The following ST3GAL3 variants were observed in gnomAD, a reference collection of about 807,000 sequenced individuals.
The protein encoded by ST3GAL3 is CMP-N-acetylneuraminate-beta-1,4-galactoside alpha-2,3-sialyltransferase.
In ST3GAL3, 21 loss-of-function variants were observed where a neutral mutation model predicts 50.1. The ratio of observed to expected loss-of-function variants is 0.42; its 90% CI spans 0.30 to 0.60. ST3GAL3 has a LOEUF of 0.60. ST3GAL3 is among the 20% of genes least tolerant of loss of function. The pLI is 0.19. For missense variants in ST3GAL3, 353 were observed against 489.4 expected (o/e 0.72, Z 2.63); for synonymous variants, 183 against 190.0 (o/e 0.96, Z 0.30).
At chr1:43,719,979 C>T (rs1321249402) in intron 1 of ST3GAL3, among the ~76,000 whole-genome samples, 1 of 141,744 alleles carries the variant, frequency 7.1e-6, no homozygotes, top group Non-Finnish European at 1.5e-5. Flanking sequence ...AGCAGTGGCT[C>T]ACACCTATAA....
chr1:43,824,938 A>G (rs770185752), intron 4 of ST3GAL3: 1 of 718,968 alleles, frequency 1.4e-6, no homozygotes, highest in South Asian at 1.5e-5. Context: ...CTTTAATAAA[A>G]GATTCTGTTT....
chr1:43,893,518 T>A (rs1037057760), intron 5 of ST3GAL3, among the ~76,000 whole-genome samples: 1 of 150,114 alleles, frequency 6.7e-6, no homozygotes, highest in South Asian at 2.2e-4. Flanking sequence ...TGCTGCACCT[T>A]CTCCCTCTTC....
intron 1 of ST3GAL3, among the ~76,000 whole-genome samples, chr1:43,719,882 G>A (rs1180964649): frequency 2.2e-5 from 3 of 134,388 alleles, no homozygotes; most frequent in Admixed American, 8.2e-5. Flanking sequence ...TCAGTGAGCC[G>A]AGATCATGCC....
intron 2 of ST3GAL3, among the ~76,000 whole-genome samples, chr1:43,761,726 G>A (rs905809385): frequency 1.3e-4 from 20 of 151,558 alleles, no homozygotes; most frequent in African/African-American, 4.6e-4. Context: ...CAAGGTGGGC[G>A]GATCACGAGG....
chr1:43,930,026 C>A, intron 11 of ST3GAL3, 106 bp from the exon 12 acceptor site: 2 of 924,142 alleles, frequency 2.2e-6, no homozygotes, highest in Non-Finnish European at 3.6e-6. Flanking sequence ...CAGGTTTCCA[C>A]AGTCACGGAG....
At position 43,847,151 on chromosome 1, in the gene ST3GAL3, A is replaced by G. The variant is rs548164152; in HGVS notation, c.302+8840A>G. ...GCTATTATCCCAAAACCAGAAAATA[A>G]CAAGTGCTGGCAAGCATGTAGAGAA... is the stretch of plus-strand genomic sequence containing the variant. On this transcript the variant is annotated intron_variant, in intron 5 of 11. Transcript: ENST00000347631. 2.2e-4 allele frequency among the ~76,000 whole-genome samples: 33 copies of G among 152,344 alleles called. No homozygotes were observed. The South Asian group carries it at 6.2e-3, about 29-fold the overall frequency.
chr1:43,905,051 A>C (rs111162316), intron 9 of ST3GAL3, among the ~76,000 whole-genome samples: 12 of 24,314 alleles, frequency 4.9e-4, no homozygotes, highest in Admixed American at 6.1e-4. Flanking sequence ...TCCTCTTCCC[A>C]CCACTCTTCC....
At chr1:43,722,631 G>T (rs1319100831) in intron 1 of ST3GAL3, among the ~76,000 whole-genome samples, 7 of 152,174 alleles carry the variant, frequency 4.6e-5, no homozygotes, top group Non-Finnish European at 4.4e-5. Context: ...AGGGAGGGAT[G>T]TGTGGCTTCA....
intron 5 of ST3GAL3, among the ~76,000 whole-genome samples, chr1:43,891,561 C>T (rs781675469): frequency 8.5e-5 from 13 of 152,098 alleles, no homozygotes; most frequent in Non-Finnish European, 1.8e-4. Context: ...AAGAGCAAAA[C>T]TACATTTCAA....
At chr1:43,825,132 A>G (rs1412975462) in intron 4 of ST3GAL3, among the ~76,000 whole-genome samples, 1 of 152,218 alleles carries the variant, frequency 6.6e-6, no homozygotes, top group Non-Finnish European at 1.5e-5. Flanking sequence ...AGATTATTCT[A>G]ATATGTCAGG....
intron 5 of ST3GAL3, chr1:43,842,361 A>G (rs1388082401): frequency 6.7e-6 from 1 of 149,246 alleles, no homozygotes; most frequent in African/African-American, 2.5e-5. Flanking sequence ...GCATTGCTAC[A>G]AAAAAAAAAT....
chr1:43,885,369 C>G (rs1194395532), intron 5 of ST3GAL3, among the ~76,000 whole-genome samples: 1 of 152,206 alleles, frequency 6.6e-6, no homozygotes, highest in Non-Finnish European at 1.5e-5. Context: ...TCCGTCTCCT[C>G]CTTCCCCGGG....
At position 43,776,636 on chromosome 1, in the gene ST3GAL3, T is replaced by C. The variant is rs77698723; in HGVS notation, c.119-15466T>C. 9.4e-3 allele frequency among the ~76,000 whole-genome samples: 1,425 copies of C among 152,292 alleles called. 32 individuals carry two copies. Among genetic ancestry groups the C allele is most frequent in the African/African-American group, 0.032 (1,344 of 41,564 alleles). Reference sequence around the variant, plus strand: ...CATGGTAACTCTATACTTAACTTACTGAGGAACTGCCAGACTGCTTTCCAA... The same window carrying C: ...CATGGTAACTCTATACTTAACTTACCGAGGAACTGCCAGACTGCTTTCCAA... On this transcript the variant is annotated intron_variant, in intron 2 of 11. Transcript: ENST00000347631.
intron 1 of ST3GAL3, among the ~76,000 whole-genome samples, chr1:43,735,752 CTT>C (rs1416747548): frequency 6.6e-6 from 1 of 152,242 alleles, no homozygotes; most frequent in Non-Finnish European, 1.5e-5. Context: ...GTTTGTGACA[CTT>C]TGCCACAGCA....
At chr1:43,828,894 T>C (rs2063167579) in intron 4 of ST3GAL3, among the ~76,000 whole-genome samples, 1 of 152,226 alleles carries the variant, frequency 6.6e-6, no homozygotes, top group African/African-American at 2.4e-5. Flanking sequence ...TAATATGTTC[T>C]AGCAGTCACC....
chr1:43,866,799 A>G (rs1170655395), intron 5 of ST3GAL3, among the ~76,000 whole-genome samples: 1 of 152,094 alleles, frequency 6.6e-6, no homozygotes, highest in Non-Finnish European at 1.5e-5. Flanking sequence ...GAGACCTCAC[A>G]AGTCACTCCA....
At chr1:43,832,658 C>G (rs1285029771) in intron 4 of ST3GAL3, among the ~76,000 whole-genome samples, 5 of 152,054 alleles carry the variant, frequency 3.3e-5, no homozygotes, top group Non-Finnish European at 5.9e-5. Context: ...TAAGGAGAAA[C>G]ATTTCCATCT....
At position 43,831,450 on chromosome 1, in the gene ST3GAL3, T is replaced by C. The variant is rs186036245; in HGVS notation, c.210-6769T>C. Reference sequence around the variant, plus strand: ...GTTATCCAATCAGTGCATATGAAAATTCCTTTTGCTACCCAGACACCACCA... The same window carrying C: ...GTTATCCAATCAGTGCATATGAAAACTCCTTTTGCTACCCAGACACCACCA... On this transcript the variant is annotated intron_variant, in intron 4 of 11. Transcript: ENST00000347631. Among the ~76,000 whole-genome samples the C allele has an allele frequency of 1.8e-3, 267 of 152,282 alleles. 4 individuals carry two copies. The highest frequency in any genetic ancestry group is 4.3e-4 in the Non-Finnish European group (29 of 68,024).
chr1:43,786,983 A>T (rs1397946611), intron 2 of ST3GAL3, among the ~76,000 whole-genome samples: 1 of 152,162 alleles, frequency 6.6e-6, no homozygotes, highest in Non-Finnish European at 1.5e-5. Context: ...TTTGCTGCAT[A>T]ATTTGTGCTC....
Sources: allele counts gnomAD v4.1 joint callset (sites outside exome capture counted in the v4.1 genomes callset), GRCh38; gene constraint gnomAD v4.1.1; transcripts MANE v1.5; gene names NCBI Gene and HGNC (gene_info 2026-07-23, HGNC 2026-07-21).